Variants in ADAM12 observed in about 807,000 individuals in gnomAD.
The protein encoded by ADAM12 is ADAM metallopeptidase domain 12, also known as disintegrin and metalloproteinase domain-containing protein 12.
In ADAM12, 70 loss-of-function variants were observed where a neutral mutation model predicts 106.4. The observed-to-expected ratio is 0.66, with a 90% CI of 0.54 to 0.80. The LOEUF (loss-of-function observed/expected upper bound fraction) is 0.80. ADAM12 is among the 30% of genes least tolerant of loss of function. ADAM12 has a pLI of 0.00. For missense variants in ADAM12, 1,010 were observed against 1,171.9 expected, an observed-to-expected ratio of 0.86 and a Z score of 2.02; for synonymous variants, 420 against 433.5, an observed-to-expected ratio of 0.97 and a Z score of 0.39.
chr10:126,329,382 C>T (rs769204010), intron 2 of ADAM12, among the ~76,000 whole-genome samples: 1 of 152,114 alleles, frequency 6.6e-6, no homozygotes, highest in African/African-American at 2.4e-5. Context: ...AAGCCCACTC[C>T]TCTTTTACTG....
chr10:126,312,877 C>T (rs748457206), intron 2 of ADAM12, among the ~76,000 whole-genome samples: 1 of 152,228 alleles, frequency 6.6e-6, no homozygotes, highest in African/African-American at 2.4e-5. Context: ...ATGTGAGCCA[C>T]ATCGCCAAAG....
intron 1 of ADAM12, among the ~76,000 whole-genome samples, chr10:126,371,654 C>T (rs1856117399): frequency 6.6e-6 from 1 of 152,214 alleles, no homozygotes; most frequent in Admixed American, 6.5e-5. Context: ...CCTGCTCTAA[C>T]TGGTAATTAA....
chr10:126,340,282 A>G (rs76413403), intron 1 of ADAM12, among the ~76,000 whole-genome samples: 3,759 of 152,358 alleles, frequency 0.025, 158 homozygotes, highest in African/African-American at 0.086. Flanking sequence ...GGAGTGTTGA[A>G]CATAGATTAC....
chr10:126,180,215 T>C (rs1378291220), intron 3 of ADAM12, among the ~76,000 whole-genome samples: 8 of 152,344 alleles, frequency 5.3e-5, no homozygotes, highest in East Asian at 1.9e-4. Context: ...AGATCAAGAA[T>C]GTCCGGAAGG....
At chr10:126,300,688 T>C (rs1960581473) in intron 2 of ADAM12, among the ~76,000 whole-genome samples, 2 of 152,116 alleles carry the variant, frequency 1.3e-5, no homozygotes, top group South Asian at 2.1e-4. Context: ...TTTCTTTTTT[T>C]AATTAATAGG....
At chr10:126,354,225 C>A (rs559226760) in intron 1 of ADAM12, among the ~76,000 whole-genome samples, 13 of 152,150 alleles carry the variant, frequency 8.5e-5, no homozygotes, top group African/African-American at 3.1e-4. Context: ...GGGTTGTCAC[C>A]TGGTTTCTTG....
rs139068792 is a variant in ADAM12 at position 126,029,243 on chromosome 10, G to A, written c.2529+6903C>T. On this transcript the variant is annotated intron_variant, in intron 21 of 22. Coordinates refer to ENST00000448723, the MANE Select transcript of ADAM12 (RefSeq NM_001288973.2). ...CATTTGACCCAGGAATCCCATTATT[G>A]GGTATATACCCAAAGGAATAGAAAT... Among the ~76,000 whole-genome samples the A allele has an allele frequency of 6.2e-3, 944 of 152,190 alleles. 13 individuals are homozygous for A. Among genetic ancestry groups the A allele is most frequent in the African/African-American group, 0.021 (890 of 41,512 alleles).
intron 3 of ADAM12, among the ~76,000 whole-genome samples, chr10:126,214,841 G>C (rs200325363): frequency 1.3e-5 from 2 of 152,078 alleles, no homozygotes; most frequent in East Asian, 3.9e-4. Context: ...TGGGACCCTC[G>C]GCCCAGCCCA....
At chr10:126,124,248 C>T (rs1032960221) in intron 5 of ADAM12, among the ~76,000 whole-genome samples, 1 of 150,906 alleles carries the variant, frequency 6.6e-6, no homozygotes, top group South Asian at 2.1e-4. Context: ...GTGGTGCTGT[C>T]AATCATGTGG....
intron 2 of ADAM12, among the ~76,000 whole-genome samples, chr10:126,316,798 A>G (rs1190911814): frequency 1.3e-5 from 2 of 151,666 alleles, no homozygotes; most frequent in Non-Finnish European, 2.9e-5. Context: ...AAAAAAAAAA[A>G]AAAGAAAAGA....
At chr10:126,179,678 G>T (rs1448312052) in intron 3 of ADAM12, among the ~76,000 whole-genome samples, 3 of 152,074 alleles carry the variant, frequency 2.0e-5, no homozygotes, top group Non-Finnish European at 4.4e-5. Flanking sequence ...TGCCAGGCTG[G>T]GTACTGGGGA....
Position 126,323,440 on chromosome 10 carries a change from C to T in ADAM12, c.186+6972G>A, listed in dbSNP as rs141593124. Among the ~76,000 whole-genome samples, 30 of 152,274 alleles carry T rather than the reference C, an allele frequency of 2.0e-4. No homozygotes were observed. The East Asian group carries it at 5.4e-3, about 27-fold the overall frequency. ...AGAAGGTAGCATTCTATCAGCTAGA[C>T]GCAGCCTCCAAATGATTTTAAAGGA... On this transcript the variant is annotated intron_variant, in intron 2 of 22. Transcript: ENST00000448723.
At chr10:126,266,240 T>C (rs1334892219) in intron 3 of ADAM12, among the ~76,000 whole-genome samples, 9 of 152,088 alleles carry the variant, frequency 5.9e-5, no homozygotes, top group Admixed American at 5.9e-4. Flanking sequence ...TTGGGGGCCC[T>C]CCCATTGCTG....
intron 2 of ADAM12, among the ~76,000 whole-genome samples, chr10:126,279,556 T>C (rs567260365): frequency 6.3e-4 from 96 of 151,930 alleles, no homozygotes; most frequent in Non-Finnish European, 1.1e-3. Context: ...TGAAACCCCA[T>C]CTCTATTAAA....
At position 126,227,959 on chromosome 10, in the gene ADAM12, C is replaced by G. The variant is rs576593894; in HGVS notation, c.260+50956G>C. Among the ~76,000 whole-genome samples the G allele has an allele frequency of 4.6e-5, 7 of 152,174 alleles. No individual in the cohort carries two copies. In the East Asian group the frequency reaches 1.4e-3, roughly 29 times the overall value. ...TCATACCATTCATATCCTGGAGTCC[C>G]TAGGGAGGAGACAGTGGGGACCTTC... On this transcript the variant is annotated intron_variant, in intron 3 of 22. Coordinates refer to ENST00000448723, the MANE Select transcript of ADAM12 (RefSeq NM_001288973.2).
intron 3 of ADAM12, among the ~76,000 whole-genome samples, chr10:126,190,024 C>A (rs1212907787): frequency 6.6e-6 from 1 of 152,052 alleles, no homozygotes; most frequent in Non-Finnish European, 1.5e-5. Context: ...GGATCCTGAG[C>A]TCACTCTTCC....
chr10:126,376,924 T>G (rs1197912311), intron 1 of ADAM12, among the ~76,000 whole-genome samples: 1 of 152,230 alleles, frequency 6.6e-6, no homozygotes, highest in Non-Finnish European at 1.5e-5. Context: ...TCACCTGCAC[T>G]ACGGCCCTGT....
At chr10:126,210,617 A>T (rs527323018) in intron 3 of ADAM12, among the ~76,000 whole-genome samples, 2 of 152,306 alleles carry the variant, frequency 1.3e-5, no homozygotes, top group East Asian at 3.9e-4. Flanking sequence ...AAGGTGGTGG[A>T]GGAGATGAAC....
At position 126,038,979 on chromosome 10, in the gene ADAM12, A is replaced by AGAT. The variant is rs1454079555; in HGVS notation, c.2240+312_2240+314dup. Among the ~76,000 whole-genome samples the AGAT allele has an allele frequency of 9.4e-5, 4 of 42,480 alleles. No individual in the cohort carries two copies. The Admixed American group carries it at 9.5e-4, about 10-fold the overall frequency. The allele number at this position is 42,480 out of a possible 152,430, so 27.9% of individuals were successfully genotyped here. The stretch of plus-strand genomic sequence containing the variant: ...TTTTTTTTTTTTTTTTTTTTTTTTG[A>AGAT]GATGGAGTCTTGCTCTCTCGCCCAG... On this transcript the variant is annotated intron_variant, in intron 19 of 22. Coordinates refer to ENST00000448723, the MANE Select transcript of ADAM12 (RefSeq NM_001288973.2).
Sources: gnomAD v4.1 joint callset for allele counts (sites outside exome capture counted in the v4.1 genomes callset) on GRCh38, gnomAD v4.1.1 for gene constraint, MANE v1.5 for transcripts, NCBI Gene and HGNC (gene_info 2026-07-23, HGNC 2026-07-21) for gene names.